Variants in CDKAL1 observed in about 807,000 individuals in gnomAD.
The protein encoded by CDKAL1 is CDKAL1 threonylcarbamoyladenosine tRNA methylthiotransferase.
In CDKAL1, 32 loss-of-function variants were observed where a neutral mutation model predicts 68.2. The ratio of observed to expected loss-of-function variants is 0.47; its 90% CI spans 0.35 to 0.63. The LOEUF (loss-of-function observed/expected upper bound fraction) is 0.63, where lower values mean the gene tolerates loss of function less well. Among genes scored for constraint, CDKAL1 ranks in the 30% least tolerant of loss-of-function variants. The pLI, the probability that CDKAL1 is intolerant of heterozygous loss-of-function variation, is 0.00. For missense variants in CDKAL1, 606 were observed against 696.7 expected (o/e 0.87, Z 1.47); for synonymous variants, 234 against 244.3 (o/e 0.96, Z 0.39).
chr6:20,766,810 T>G (rs1774723582), intron 7 of CDKAL1, among the ~76,000 whole-genome samples: 1 of 152,136 alleles, frequency 6.6e-6, no homozygotes, highest in Admixed American at 6.5e-5. Context: ...CCATATTAAT[T>G]TTTCTTAATA....
At chr6:20,585,353 A>T (rs1581768131) in intron 4 of CDKAL1, among the ~76,000 whole-genome samples, 1 of 152,028 alleles carries the variant, frequency 6.6e-6, no homozygotes, top group East Asian at 1.9e-4. Context: ...CGCCCGGCCG[A>T]TAATCTTGTT....
At chr6:21,219,090 G>A (rs1363972419) in intron 15 of CDKAL1, among the ~76,000 whole-genome samples, 1 of 152,128 alleles carries the variant, frequency 6.6e-6, no homozygotes, top group Non-Finnish European at 1.5e-5. Context: ...GGAGTGATAG[G>A]AAAATATGTA....
intron 11 of CDKAL1, among the ~76,000 whole-genome samples, chr6:21,003,367 TATATACACAC>T (rs1229130978): frequency 9.1e-5 from 6 of 65,680 alleles, no homozygotes; most frequent in Non-Finnish European, 1.3e-4. Flanking sequence ...TATATATATA[TATATACACAC>T]ACACACACAC....
chr6:20,713,561 A>G (rs1208277778), intron 5 of CDKAL1, among the ~76,000 whole-genome samples: 1 of 152,162 alleles, frequency 6.6e-6, no homozygotes. Flanking sequence ...AAGGCAAACC[A>G]ACAGATATTT....
At chr6:20,932,086 A>G (rs1763489579) in intron 9 of CDKAL1, among the ~76,000 whole-genome samples, 2 of 152,158 alleles carry the variant, frequency 1.3e-5, no homozygotes, top group Admixed American at 1.3e-4. Flanking sequence ...CACATTAATC[A>G]TTTCTAAGCT....
intron 9 of CDKAL1, among the ~76,000 whole-genome samples, chr6:20,862,665 G>A (rs538003599): frequency 1.9e-3 from 285 of 151,360 alleles, no homozygotes; most frequent in East Asian, 5.8e-3. Context: ...GTGTGTGTGC[G>A]CGCGTGCATG....
At chr6:20,873,728 G>C (rs1345084394) in intron 9 of CDKAL1, among the ~76,000 whole-genome samples, 1 of 152,032 alleles carries the variant, frequency 6.6e-6, no homozygotes, top group Non-Finnish European at 1.5e-5. Context: ...TATTTCCGTG[G>C]GTGTTTTAAA....
At chr6:20,558,072 G>A (rs1213396117) in intron 4 of CDKAL1, among the ~76,000 whole-genome samples, 1 of 152,158 alleles carries the variant, frequency 6.6e-6, no homozygotes, top group Non-Finnish European at 1.5e-5. Context: ...ATATTTTTCT[G>A]CACATTTTGG....
chr6:21,218,550 T>G (rs1484242210), intron 15 of CDKAL1, among the ~76,000 whole-genome samples: 1 of 152,232 alleles, frequency 6.6e-6, no homozygotes, highest in African/African-American at 2.4e-5. Flanking sequence ...GAGGATCTGC[T>G]TCTAAGCTCA....
intron 13 of CDKAL1, among the ~76,000 whole-genome samples, chr6:21,163,666 T>C (rs945941946): frequency 6.6e-6 from 1 of 152,094 alleles, no homozygotes; most frequent in Non-Finnish European, 1.5e-5. Flanking sequence ...AATGCTGTTA[T>C]CTGGCCGGGC....
chr6:21,204,243 C>T (rs6921264), intron 15 of CDKAL1, among the ~76,000 whole-genome samples: 41,361 of 151,958 alleles, frequency 0.27, 6,275 homozygotes, highest in African/African-American at 0.41. Context: ...TTCAAGCATA[C>T]ACGAAAGTAG....
intron 8 of CDKAL1, among the ~76,000 whole-genome samples, chr6:20,805,963 G>A (rs1776554895): frequency 6.6e-6 from 1 of 152,188 alleles, no homozygotes; most frequent in South Asian, 2.1e-4. Flanking sequence ...CAAGGCATAT[G>A]ATTTCAAATG....
intron 4 of CDKAL1, among the ~76,000 whole-genome samples, chr6:20,618,697 G>T (rs952285032): frequency 2.0e-5 from 3 of 150,824 alleles, no homozygotes; most frequent in Admixed American, 1.3e-4. Flanking sequence ...TTTTTTTTTG[G>T]ATACAGGGTC....
intron 9 of CDKAL1, among the ~76,000 whole-genome samples, chr6:20,948,094 T>G (rs1259845273): frequency 6.6e-6 from 1 of 150,758 alleles, no homozygotes; most frequent in Non-Finnish European, 1.5e-5. Flanking sequence ...CATAGCTCAC[T>G]GTAACCTCAA....
At chr6:20,775,169 C>T (rs957589518) in intron 7 of CDKAL1, among the ~76,000 whole-genome samples, 102 of 152,016 alleles carry the variant, frequency 6.7e-4, no homozygotes, top group Admixed American at 1.3e-4. Flanking sequence ...TATTTATCAC[C>T]ATCTCCTCGG....
chr6:20,609,237 T>TTCTTCTTCC (rs1487890373), intron 4 of CDKAL1, among the ~76,000 whole-genome samples: 1 of 116,604 alleles, frequency 8.6e-6, no homozygotes, highest in South Asian at 2.8e-4. Flanking sequence ...TTCTTCCTTC[T>TTCTTCTTCC]TCCTTCCTTC....
chr6:20,780,055 C>T (rs1297528832), intron 7 of CDKAL1, among the ~76,000 whole-genome samples: 1 of 147,226 alleles, frequency 6.8e-6, no homozygotes, highest in African/African-American at 2.5e-5. Context: ...TTGAAATCAG[C>T]CTAGGCAATA....
intron 6 of CDKAL1, among the ~76,000 whole-genome samples, chr6:20,753,658 T>G (rs1774031246): frequency 6.6e-6 from 1 of 152,230 alleles, no homozygotes; most frequent in Non-Finnish European, 1.5e-5. Context: ...TGTATTTCGT[T>G]GTATGCATAT....
At chr6:20,982,087 G>A (rs1183903740) in intron 10 of CDKAL1, among the ~76,000 whole-genome samples, 1 of 121,934 alleles carries the variant, frequency 8.2e-6, no homozygotes, top group African/African-American at 3.1e-5. Context: ...TTATTTATGA[G>A]ACAGAGTGTG....
Sources: allele counts gnomAD v4.1 joint callset (sites outside exome capture counted in the v4.1 genomes callset), GRCh38; gene constraint gnomAD v4.1.1; transcripts MANE v1.5; gene names NCBI Gene and HGNC (gene_info 2026-07-23, HGNC 2026-07-21).